FLNC: variants seen among roughly 807,000 people sequenced by gnomAD.
FLNC encodes the protein filamin C.
A neutral mutation model predicts 254.3 loss-of-function variants in FLNC; 91 were observed. The observed-to-expected ratio is 0.36, with a 90% CI of 0.30 to 0.43. The LOEUF (loss-of-function observed/expected upper bound fraction) is 0.43, where lower values mean the gene tolerates loss of function less well. Ranked by LOEUF, FLNC falls within the 20% of genes least tolerant of loss-of-function variation. The pLI is 1.00. For synonymous variants in FLNC, 1,430 were observed against 1,577.2 expected (o/e 0.91, Z 2.21); for missense variants, 2,853 against 3,802.6 (o/e 0.75, Z 6.57).
In FLNC at chr7:128,841,448, G is replaced by T. The variant is rs577813339; in HGVS notation, c.2008-6G>T. 6 of 1,613,750 alleles carry T rather than the reference G, an allele frequency of 3.7e-6. No homozygotes were observed. The East Asian group carries it at 6.7e-5, about 18-fold the overall frequency. ...TCCCCAACTCAGCCTTCTTCCCTCC[G>T]CACAGGTGAAGGCCTTTGGGCCTGG... is the stretch of plus-strand genomic sequence containing the variant. On this transcript the variant is annotated splice_polypyrimidine_tract_variant and splice_region_variant and intron_variant, in intron 12 of 47. Coordinates refer to ENST00000325888, the MANE Select transcript of FLNC (RefSeq NM_001458.5). The surrounding 1 kb of genome is among the most constrained non-coding windows in gnomAD (Gnocchi z 4.3).
At chr7:128,844,391 TGA>T (rs2128936276) in intron 20 of FLNC, 125 bp downstream of exon 20, 1 of 1,247,908 alleles carries the variant, frequency 8.0e-7, no homozygotes, top group East Asian at 2.5e-5. Flanking sequence ...GGTGTGGGGC[TGA>T]GGCCAGCCCC....
rs76883269 is a variant in FLNC, at chr7:128,836,986, C to T, written c.602-174C>T. On this transcript the variant is annotated intron_variant, in intron 2 of 47. Coordinates refer to ENST00000325888, the MANE Select transcript of FLNC (RefSeq NM_001458.5). This position sits in a 1 kb window ranked among gnomAD's most constrained non-coding sequence, Gnocchi z 6.0. The stretch of plus-strand genomic sequence containing the variant: ...GGTGGAGAGGGCTGTCCTGCTCCTA[C>T]GTGGTGAGGGGCCTCGAAGCTGATG... Among the ~76,000 whole-genome samples, 1 of 152,330 alleles carries T rather than the reference C, an allele frequency of 6.6e-6. No homozygotes were observed. The highest frequency in any genetic ancestry group is 1.9e-4 in the East Asian group (1 of 5,180).
chr7:128,849,510 C>G lies in FLNC; in HGVS notation c.5131C>G (p.Pro1711Ala). 6.2e-7 allele frequency: 1 copy of G among 1,614,190 alleles called. No homozygotes were observed. The highest frequency in any genetic ancestry group is 1.1e-5 in the South Asian group (1 of 91,090). Residue 1711 changes from proline to alanine, a missense_variant, in exon 30 of 48, where the codon CCG becomes GCG. Pro to Ala is a conservative substitution (Grantham distance 27). Transcript: ENST00000325888. Reference protein sequence around the residue: ...TFDIYYTAPEPGKYVITIRFG... With the variant: ...TFDIYYTAPEAGKYVITIRFG... Reference sequence around the variant, plus strand: ...TGACATCTACTACACAGCGCCCGAGCCGGGCAAGTACGTCATCACCATCCG... The same window carrying G: ...TGACATCTACTACACAGCGCCCGAGGCGGGCAAGTACGTCATCACCATCCG...
In FLNC at chr7:128,835,688, C is replaced by T; in HGVS notation, c.601+114C>T. 1 of 1,224,794 alleles carries T rather than the reference C, an allele frequency of 8.2e-7. No individual in the cohort carries two copies. Among genetic ancestry groups the T allele is most frequent in the Non-Finnish European group, 1.2e-6 (1 of 858,248 alleles). 75.9% of individuals were successfully genotyped at this position (1,224,794 alleles called of 1,614,324 possible). On this transcript the variant is annotated intron_variant, in intron 2 of 47. Transcript: ENST00000325888. This position sits in a 1 kb window ranked among gnomAD's most constrained non-coding sequence, Gnocchi z 5.3. ...AATGCACACCCTGGGGCCTGGGGGC[C>T]AGGATCCCCTGCAGGGTTTGTCCTC...
In FLNC at chr7:128,852,758, C is replaced by T. The variant is rs761548420; in HGVS notation, c.6004+6C>T. ...CCTGCCCAACCGGCACATTGGTGAG[C>T]GTGGGGCCTCACGGGGACCTCAGGG... On this transcript the variant is annotated splice_donor_region_variant and intron_variant, in intron 36 of 47. Coordinates refer to ENST00000325888, the MANE Select transcript of FLNC (RefSeq NM_001458.5). 1.8e-5 allele frequency: 29 copies of T among 1,613,278 alleles called. No homozygotes were observed. Among genetic ancestry groups the T allele is most frequent in the Non-Finnish European group, 2.2e-5 (26 of 1,179,798 alleles).
In FLNC at chr7:128,838,648, G is replaced by T; in HGVS notation, c.1256G>T (p.Gly419Val). ...GCTGTGGTGATCGTGGACCCACAGG[G>T]CCGGCGGGACACAGTGGAGGTGGCC... The part of the protein sequence containing the change: ...DVAVVIVDPQ[G>V]RRDTVEVALE... The change falls in exon 8 of 48, where the codon GGC becomes GTC. Residue 419 changes from glycine to valine, a missense_variant. Physicochemically the swap from Gly to Val is moderately radical, Grantham distance 109. Coordinates refer to ENST00000325888, the MANE Select transcript of FLNC (RefSeq NM_001458.5). The T allele has an allele frequency of 6.2e-7, 1 of 1,613,088 alleles. No homozygotes were observed. Among genetic ancestry groups the T allele is most frequent in the Non-Finnish European group, 8.5e-7 (1 of 1,180,018 alleles).
rs146577239 is a variant in FLNC, at chr7:128,837,823, A to G, written c.969+68A>G. 41 of 1,445,026 alleles carry G rather than the reference A, an allele frequency of 2.8e-5. 4 individuals are homozygous for G. In the African/African-American group the frequency reaches 4.9e-4, roughly 17 times the overall value. The allele number at this position is 1,445,026 out of a possible 1,614,324, so 89.5% of individuals were successfully genotyped here. A position where few individuals can be genotyped will look rare whatever the true frequency, so the allele number is the denominator to read the frequency against. ...GGAACCAGAGAGCGTGGGGCCAACA[A>G]CAGGAATGGCCCGGAGGTGACTGCC... On this transcript the variant is annotated intron_variant, in intron 5 of 47. Coordinates refer to ENST00000325888, the MANE Select transcript of FLNC (RefSeq NM_001458.5).
intron 9 of FLNC, among the ~76,000 whole-genome samples, 177 bp downstream of exon 9, chr7:128,840,337 A>G (rs2128934933): frequency 6.6e-6 from 1 of 152,290 alleles, no homozygotes; most frequent in South Asian, 2.1e-4. Context: ...CTTGGTCTAC[A>G]AGCCAGGAAT....
rs547733871 is a variant in FLNC at position 128,848,630 on chromosome 7, C to T, written c.4650C>T (p.Asn1550=). The T allele has an allele frequency of 2.2e-5, 35 of 1,613,660 alleles. No homozygotes were observed. The highest frequency in any genetic ancestry group is 1.1e-4 in the African/African-American group (8 of 75,060). ...SKVRASGPGL[N]ASGIPASLPV... is the part of the protein sequence containing the mutation. ...TGCGGGCCAGCGGCCCAGGCCTCAA[C>T]GCCTCTGGCATCCCTGCCAGCCTGC... The change falls in exon 27 of 48, where the codon AAC becomes AAT. Residue 1550 remains asparagine, a synonymous_variant. Transcript: ENST00000325888.
intron 30 of FLNC, 115 bp from the exon 31 acceptor site, chr7:128,849,861 G>A: frequency 1.2e-6 from 1 of 847,630 alleles, no homozygotes; most frequent in South Asian, 1.4e-5. Context: ...TGCCCTGCAG[G>A]AGGATGAACA....
rs779256765 is a variant in FLNC, at chr7:128,842,397, G to T, written c.2265+23G>T. The T allele has an allele frequency of 6.2e-7, 1 of 1,613,148 alleles. No homozygotes were observed. The highest frequency in any genetic ancestry group is 8.5e-7 in the Non-Finnish European group (1 of 1,179,916). On this transcript the variant is annotated intron_variant, in intron 14 of 47. Coordinates refer to ENST00000325888, the MANE Select transcript of FLNC (RefSeq NM_001458.5). The surrounding 1 kb of genome is among the most constrained non-coding windows in gnomAD (Gnocchi z 5.4). Reference sequence around the variant, plus strand: ...CGGGTGCGTCCTCCCGGCCTGCCCCGTGCCCACCACCAGGGGTCCCTGAGG... The same window carrying T: ...CGGGTGCGTCCTCCCGGCCTGCCCCTTGCCCACCACCAGGGGTCCCTGAGG...
chr7:128,832,323 G>A (rs537371027), intron 1 of FLNC, among the ~76,000 whole-genome samples: 26 of 152,202 alleles, frequency 1.7e-4, no homozygotes, highest in Non-Finnish European at 3.7e-4. Context: ...GGCAGGGGGT[G>A]GGGGAGGGAG....
At chr7:128,839,790 A>G (rs1158069278) in intron 8 of FLNC, among the ~76,000 whole-genome samples, 1 of 152,190 alleles carries the variant, frequency 6.6e-6, no homozygotes, top group Non-Finnish European at 1.5e-5. Context: ...TCTGCCATGC[A>G]TTTCCCCAGT....
At position 128,837,236 on chromosome 7, in the gene FLNC, C is replaced by G; in HGVS notation, c.678C>G (p.Asp226Glu). The G allele has an allele frequency of 1.3e-6, 2 of 1,587,908 alleles. No homozygotes were observed. Among genetic ancestry groups the G allele is most frequent in the Non-Finnish European group, 1.7e-6 (2 of 1,167,600 alleles). Reference sequence around the variant, plus strand: ...CCCGGGAGGCCATGCAGCAGGCCGACGACTGGCTTGGGGTGCCCCAGGTAC... The same window carrying G: ...CCCGGGAGGCCATGCAGCAGGCCGAGGACTGGCTTGGGGTGCCCCAGGTAC... ...ENAREAMQQA[D>E]DWLGVPQVIA... Residue 226 changes from aspartate to glutamate, a missense_variant, in exon 3 of 48, where the codon GAC (aspartate) becomes GAG (glutamate). Physicochemically the swap from Asp to Glu is conservative, Grantham distance 45. Around this residue, in one of 10 missense-constraint regions of FLNC, gnomAD observed 115 missense variants for 230.3 expected, o/e 0.50. Coordinates refer to ENST00000325888, the MANE Select transcript of FLNC (RefSeq NM_001458.5).
At chr7:128,840,001 C>T (rs1808260237) in intron 8 of FLNC, 22 bp from the exon 9 acceptor site, 1 of 1,610,482 alleles carries the variant, frequency 6.2e-7, no homozygotes. Context: ...CACCCCCAAC[C>T]TCCTTTCTCT....
intron 16 of FLNC, 91 bp from the exon 17 acceptor site, chr7:128,843,137 TG>T: frequency 7.1e-7 from 1 of 1,408,884 alleles, no homozygotes; most frequent in Non-Finnish European, 9.8e-7. Context: ...CTGTCCATGC[TG>T]GGTCCCCTGG....
chr7:128,833,758 T>C (rs2128933202), intron 1 of FLNC, among the ~76,000 whole-genome samples: 1 of 152,154 alleles, frequency 6.6e-6, no homozygotes, highest in Non-Finnish European at 1.5e-5. Context: ...CCAGACTGTG[T>C]GAAAGTGTTG....
Position 128,837,726 on chromosome 7 carries a change from A to G in FLNC, c.940A>G (p.Ile314Val). ...DAGVGEVLVY[I>V]EDPEGHTEEA... is the part of the protein sequence containing the mutation. ...GGGCGTGGGCGAGGTGCTGGTCTAC[A>G]TCGAGGACCCTGAAGGCCACACCGA... Residue 314 changes from isoleucine to valine, a missense_variant, in exon 5 of 48, where the codon ATC (isoleucine) becomes GTC (valine). Ile to Val is a conservative substitution (Grantham distance 29, BLOSUM62 3). Coordinates refer to ENST00000325888, the MANE Select transcript of FLNC (RefSeq NM_001458.5). 1 of 1,596,372 alleles carries G rather than the reference A, an allele frequency of 6.3e-7. No individual in the cohort carries two copies. The highest frequency in any genetic ancestry group is 1.1e-5 in the South Asian group (1 of 89,554).
At chr7:128,837,915 G>T in intron 5 of FLNC, 72 bp from the exon 6 acceptor site, 1 of 1,441,864 alleles carries the variant, frequency 6.9e-7, no homozygotes, top group South Asian at 1.1e-5. Flanking sequence ...GGGCTGGGGT[G>T]CATAAGGCAC....
Sources: allele counts gnomAD v4.1 joint callset (sites outside exome capture counted in the v4.1 genomes callset), GRCh38; gene constraint gnomAD v4.1.1; regional missense constraint gnomAD v4.1.1; non-coding constraint Gnocchi (gnomAD v3.1); transcripts MANE v1.5; gene names NCBI Gene and HGNC (gene_info 2026-07-23, HGNC 2026-07-21).